KAZN: variants seen among roughly 807,000 people sequenced by gnomAD.
KAZN encodes kazrin.
KAZN carries 40 observed loss-of-function variants against 87.4 expected under a neutral mutation model. The ratio of observed to expected loss-of-function variants is 0.46; its 90% CI spans 0.36 to 0.60. The LOEUF (loss-of-function observed/expected upper bound fraction) is 0.60. Among genes scored for constraint, KAZN ranks in the 20% least tolerant of loss-of-function variants. KAZN has a pLI of 0.00. For synonymous variants in KAZN, 466 were observed against 458.3 expected (o/e 1.02, Z -0.22); for missense variants, 898 against 1,073.9 (o/e 0.84, Z 2.29).
intron 1 of KAZN, among the ~76,000 whole-genome samples, chr1:13,982,958 C>G (rs1042979793): frequency 6.6e-6 from 1 of 151,888 alleles, no homozygotes; most frequent in Non-Finnish European, 1.5e-5. Flanking sequence ...GCTCACAAAC[C>G]CTGAGCTAGA....
chr1:14,326,959 A>G (rs936020973), intron 2 of KAZN, among the ~76,000 whole-genome samples: 2 of 151,880 alleles, frequency 1.3e-5, no homozygotes, highest in Non-Finnish European at 2.9e-5. Flanking sequence ...GTTATTGTTG[A>G]TTTGTTTGTC....
Position 15,101,543 on chromosome 1 carries a change from C to T in KAZN, c.1548C>T (p.Ser516=), listed in dbSNP as rs1479195909. The T allele has an allele frequency of 6.4e-7, 1 of 1,551,086 alleles. No homozygotes were observed. The highest frequency in any genetic ancestry group is 2.4e-5 in the East Asian group (1 of 40,914). Residue 516 remains serine, a splice_region_variant and synonymous_variant, in exon 11 of 15, where the codon AGC becomes AGT. Transcript: ENST00000376030. ...EDYRDAEAGR[S]LSKAAELDHH... The stretch of plus-strand genomic sequence containing the variant: ...CTCTCTGGCTATGTCTCCTCCCCAG[C>T]CTGTCCAAAGCTGCCGAGCTGGACC...
Position 14,556,398 on chromosome 1 carries a change from C to T in KAZN, c.250-42585C>T, listed in dbSNP as rs983855005. On this transcript the variant is annotated intron_variant, in intron 2 of 16. Transcript: ENST00000636203. The stretch of plus-strand genomic sequence containing the variant: ...TGCTGGGATTACAGGTGTGAGCCCC[C>T]GTGCCCGGCGGGGGAAGAGCAGTTC... Among the ~76,000 whole-genome samples, 7 of 152,038 alleles carry T rather than the reference C, an allele frequency of 4.6e-5. No individual in the cohort carries two copies. The South Asian group carries it at 8.3e-4, about 18-fold the overall frequency.
intron 14 of KAZN, chr1:15,114,261 G>A: frequency 1.9e-6 from 1 of 515,568 alleles, no homozygotes; most frequent in South Asian, 2.6e-5. Context: ...TCCGGGGGCA[G>A]GGGGACACAA....
chr1:14,322,858 A>T (rs1269770572), intron 2 of KAZN, among the ~76,000 whole-genome samples: 6 of 152,178 alleles, frequency 3.9e-5, no homozygotes, highest in Admixed American at 3.9e-4. Context: ...TACTTTAAAG[A>T]ACTGCCTGAG....
At chr1:14,377,549 G>C (rs546593819) in intron 2 of KAZN, among the ~76,000 whole-genome samples, 62 of 152,122 alleles carry the variant, frequency 4.1e-4, no homozygotes, top group Non-Finnish European at 7.1e-4. Flanking sequence ...TTTCACAATG[G>C]GCCAGGTCGC....
intron 2 of KAZN, among the ~76,000 whole-genome samples, chr1:14,394,347 C>T (rs1662712526): frequency 1.3e-5 from 2 of 152,240 alleles, no homozygotes; most frequent in South Asian, 4.1e-4. Flanking sequence ...TTCTCCTGGC[C>T]AGACTATTTC....
chr1:14,952,240 CTGTGTGTGTGTGTGTG>C (rs56104480), intron 1 of KAZN, among the ~76,000 whole-genome samples: 1 of 143,916 alleles, frequency 6.9e-6, no homozygotes, highest in Non-Finnish European at 1.5e-5. Flanking sequence ...TTCTTTCCCA[CTGTGTGTGTGTGTGTG>C]TGTGTGTGTG....
At chr1:14,017,821 T>C (rs780574362) in intron 1 of KAZN, among the ~76,000 whole-genome samples, 1 of 152,168 alleles carries the variant, frequency 6.6e-6, no homozygotes, top group Non-Finnish European at 1.5e-5. Context: ...TTTATTTTCA[T>C]CCAGAGCTGT....
At chr1:14,616,472 GAA>G (rs530449852) in intron 1 of KAZN, among the ~76,000 whole-genome samples, 1 of 136,754 alleles carries the variant, frequency 7.3e-6, no homozygotes, top group African/African-American at 2.7e-5. Flanking sequence ...GGGTGATTTA[GAA>G]AAAAAAAAAA....
At chr1:14,455,743 A>G in intron 2 of KAZN, among the ~76,000 whole-genome samples, 1 of 152,150 alleles carries the variant, frequency 6.6e-6, no homozygotes, top group East Asian at 1.9e-4. Context: ...CCACTCAAAC[A>G]TGAGGAGTTA....
At chr1:14,740,754 A>G (rs1409150738) in intron 1 of KAZN, among the ~76,000 whole-genome samples, 1 of 151,772 alleles carries the variant, frequency 6.6e-6, no homozygotes, top group Non-Finnish European at 1.5e-5. Context: ...CTCTTTGTTC[A>G]TTCTCCTTCC....
chr1:14,872,938 A>ATAGATGGATG (rs1652311834), intron 1 of KAZN, among the ~76,000 whole-genome samples: 2 of 146,122 alleles, frequency 1.4e-5, no homozygotes, highest in Admixed American at 1.4e-4. Context: ...ATGGATGGAT[A>ATAGATGGATG]GATGGATGGA....
rs1009468830 is a variant in KAZN, at chr1:14,636,184, G to A, written c.226+36961G>A. Among the ~76,000 whole-genome samples the A allele has an allele frequency of 1.6e-4, 24 of 152,202 alleles. 1 individual carries two copies. Among genetic ancestry groups the A allele is most frequent in the Admixed American group, 1.4e-3 (21 of 15,288 alleles). On this transcript the variant is annotated intron_variant, in intron 1 of 14. Transcript: ENST00000376030. ...CAACCCTTAATGCTTATGAGATGGGGTGATTTGGGGCAAGGCACCTCCGTC... is the reference window on the plus strand; with the variant it reads ...CAACCCTTAATGCTTATGAGATGGGATGATTTGGGGCAAGGCACCTCCGTC...
chr1:14,005,017 C>T (rs1015917228), intron 1 of KAZN, among the ~76,000 whole-genome samples: 4 of 151,690 alleles, frequency 2.6e-5, no homozygotes, highest in Non-Finnish European at 5.9e-5. Flanking sequence ...AGATGCACTC[C>T]CTCCGCTTTA....
intron 1 of KAZN, among the ~76,000 whole-genome samples, chr1:14,947,978 C>G (rs1439791031): frequency 6.6e-6 from 1 of 152,210 alleles, no homozygotes; most frequent in Non-Finnish European, 1.5e-5. Context: ...GGACTGGTCA[C>G]TGGGAACAAA....
chr1:14,342,163 C>T (rs1193645537), intron 2 of KAZN, among the ~76,000 whole-genome samples: 2 of 152,170 alleles, frequency 1.3e-5, no homozygotes, highest in East Asian at 1.9e-4. Context: ...GACATAATCT[C>T]GTTCTTTTTT....
chr1:13,929,276 C>T (rs924665192), intron 1 of KAZN, among the ~76,000 whole-genome samples: 1 of 152,106 alleles, frequency 6.6e-6, no homozygotes, highest in Non-Finnish European at 1.5e-5. Flanking sequence ...CTGAGAGGCA[C>T]TTATCTGTGT....
At chr1:14,226,277 A>G (rs1361665116) in intron 2 of KAZN, among the ~76,000 whole-genome samples, 2 of 152,188 alleles carry the variant, frequency 1.3e-5, no homozygotes, top group Non-Finnish European at 2.9e-5. Flanking sequence ...AAAAGAAGAC[A>G]TACATGTGGC....
Sources: gnomAD v4.1 joint callset for allele counts (sites outside exome capture counted in the v4.1 genomes callset) on GRCh38, gnomAD v4.1.1 for gene constraint, MANE v1.5 for transcripts, NCBI Gene and HGNC (gene_info 2026-07-23, HGNC 2026-07-21) for gene names.